The following SCUBE2 variants were observed in gnomAD, a reference collection of about 807,000 sequenced individuals.
The protein encoded by SCUBE2 is signal peptide, CUB and EGF-like domain-containing protein 2.
Under a neutral mutation model 125.9 loss-of-function variants are expected in SCUBE2, and 114 were observed. The ratio of observed to expected loss-of-function variants is 0.91; its 90% CI spans 0.78 to 1.06. The LOEUF (loss-of-function observed/expected upper bound fraction) is 1.06, where lower values mean the gene tolerates loss of function less well. Ranked by LOEUF, SCUBE2 falls within the 50% of genes least tolerant of loss-of-function variation. The probability of loss-of-function intolerance (pLI) is 0.00; values close to 1 mark genes in which losing one functional copy is unlikely to be tolerated. For missense variants in SCUBE2, 1,255 were observed against 1,301.8 expected, an observed-to-expected ratio of 0.96 and a Z score of 0.55; for synonymous variants, 459 against 492.9, an observed-to-expected ratio of 0.93 and a Z score of 0.91.
At chr11:9,068,629 G>A (rs1465827395) in intron 5 of SCUBE2, among the ~76,000 whole-genome samples, 3 of 152,202 alleles carry the variant, frequency 2.0e-5, no homozygotes, top group East Asian at 1.9e-4. Context: ...GAGGATGGTA[G>A]CATGGGATTA....
intron 1 of SCUBE2, among the ~76,000 whole-genome samples, chr11:9,090,076 C>G (rs1272035567): frequency 2.0e-5 from 3 of 152,198 alleles, no homozygotes; most frequent in Non-Finnish European, 4.4e-5. Flanking sequence ...AAATCCACCT[C>G]CTCCAGGAAG....
In SCUBE2 at chr11:9,053,699, C is replaced by T; in HGVS notation, c.1268G>A (p.Gly423Asp). ...AGGGTGGCACTGGCATTCATAGCTG[C>T]CCACTGTGTTCACACAGACCTGCTG... ...GCQQVCVNTV[G>D]SYECQCHPGY... The change falls in exon 11 of 23, where the codon GGC (glycine) becomes GAC (aspartate). Residue 423 changes from glycine to aspartate, a missense_variant. Gly to Asp is a moderately conservative substitution (Grantham distance 94). Transcript: ENST00000649792. 6.2e-7 allele frequency: 1 copy of T among 1,614,168 alleles called. No individual in the cohort carries two copies. Among genetic ancestry groups the T allele is most frequent in the South Asian group, 1.1e-5 (1 of 91,082 alleles).
Position 9,046,251 on chromosome 11 carries a change from G to A in SCUBE2, c.2002+1105C>T, listed in dbSNP as rs1857753854. On this transcript the variant is annotated intron_variant, in intron 16 of 22. Transcript: ENST00000649792. Reference sequence around the variant, plus strand: ...TCTCGATCTCCTGACCTCGTGATCTGCCCGCCTTGGCCTCCCAAAGTGCTG... The same window carrying A: ...TCTCGATCTCCTGACCTCGTGATCTACCCGCCTTGGCCTCCCAAAGTGCTG... 2.6e-5 allele frequency among the ~76,000 whole-genome samples: 4 copies of A among 152,030 alleles called. No homozygotes were observed. In the South Asian group the frequency reaches 6.2e-4, roughly 24 times the overall value.
chr11:9,060,888 C>G (rs1859613850), intron 7 of SCUBE2, among the ~76,000 whole-genome samples: 3 of 152,180 alleles, frequency 2.0e-5, no homozygotes. Context: ...AGGGGATGGT[C>G]CTTTCTTAAT....
chr11:9,051,529 T>C (rs1226730809), intron 13 of SCUBE2, among the ~76,000 whole-genome samples: 1 of 152,182 alleles, frequency 6.6e-6, no homozygotes, highest in East Asian at 1.9e-4. Context: ...AGGGTCCCAC[T>C]GTGAGAGCCT....
chr11:9,078,152 C>T (rs1300494226), intron 3 of SCUBE2, among the ~76,000 whole-genome samples: 1 of 152,174 alleles, frequency 6.6e-6, no homozygotes, highest in Non-Finnish European at 1.5e-5. Context: ...AAAGTGATTC[C>T]ATTTGTCTGA....
Position 9,030,769 on chromosome 11 carries a change from C to T in SCUBE2, c.2330G>A (p.Cys777Tyr), listed in dbSNP as rs770728563. 8.1e-6 allele frequency: 13 copies of T among 1,613,258 alleles called. No homozygotes were observed. In the East Asian group the frequency reaches 1.1e-4, roughly 14 times the overall value. Residue 777 changes from cysteine to tyrosine, a missense_variant, in exon 18 of 23, where the codon TGT becomes TAT. Physicochemically the swap from Cys to Tyr is radical, Grantham distance 194 (BLOSUM62 -2). Coordinates refer to ENST00000649792, the MANE Select transcript of SCUBE2 (RefSeq NM_001367977.2). Reference sequence around the variant, plus strand: ...TGCCAAGTACTCACCTCTGGTTTCACAGTCCTGAAAGGAAGTAGCTCCCTG... The same window carrying T: ...TGCCAAGTACTCACCTCTGGTTTCATAGTCCTGAAAGGAAGTAGCTCCCTG... ...KHQGATSFQD[C>Y]ETRVQCSPGH...
intron 16 of SCUBE2, among the ~76,000 whole-genome samples, chr11:9,045,602 GACAGACAGACACACACACACACACAC>G: frequency 1.3e-5 from 1 of 75,466 alleles, no homozygotes; most frequent in African/African-American, 3.9e-5. Flanking sequence ...CTAGAAGACA[GACAGACAGACACACACACACACACAC>G]ACACACACAC....
Position 9,054,737 on chromosome 11 carries a change from T to A in SCUBE2, c.1208-978A>T, listed in dbSNP as rs1351024878. ...TATATATATATATATTTTTTTTTTT[T>A]TTTTTTTTTTTTTTTCAGGTGGAGT... On this transcript the variant is annotated intron_variant, in intron 10 of 22. Coordinates refer to ENST00000649792, the MANE Select transcript of SCUBE2 (RefSeq NM_001367977.2). 1.7e-3 allele frequency among the ~76,000 whole-genome samples: 159 copies of A among 90,950 alleles called. 1 individual carries two copies. The Middle Eastern group carries it at 0.029, about 17-fold the overall frequency. The allele number at this position is 90,950 out of a possible 152,430, so 59.7% of individuals were successfully genotyped here. A position where few individuals can be genotyped will look rare whatever the true frequency, so the allele number is the denominator to read the frequency against.
chr11:9,083,557 T>C (rs541124445), intron 2 of SCUBE2, among the ~76,000 whole-genome samples: 2,605 of 134,000 alleles, frequency 0.019, 81 homozygotes, highest in African/African-American at 0.083. Context: ...TAGAATGAAT[T>C]TTTTTTTTTT....
At chr11:9,032,682 G>A (rs895640617) in intron 17 of SCUBE2, among the ~76,000 whole-genome samples, 11 of 152,114 alleles carry the variant, frequency 7.2e-5, no homozygotes, top group South Asian at 2.1e-4. Context: ...GCAGTGAGCC[G>A]AGATTGCACC....
At chr11:9,080,220 C>T (rs370599698) in intron 2 of SCUBE2, among the ~76,000 whole-genome samples, 2 of 152,284 alleles carry the variant, frequency 1.3e-5, no homozygotes, top group East Asian at 1.9e-4. Context: ...ACAAATGGCA[C>T]TGGTTTAATT....
intron 16 of SCUBE2, among the ~76,000 whole-genome samples, chr11:9,042,031 A>C (rs1857302447): frequency 6.6e-6 from 1 of 152,146 alleles, no homozygotes; most frequent in Non-Finnish European, 1.5e-5. Context: ...CTGTGTGGAC[A>C]GACTCGGGAT....
chr11:9,088,159 C>T (rs1862278064), intron 2 of SCUBE2, among the ~76,000 whole-genome samples: 1 of 152,218 alleles, frequency 6.6e-6, no homozygotes, highest in African/African-American at 2.4e-5. Context: ...GACACTAGGC[C>T]ATTAAATGGC....
chr11:9,062,936 G>T (rs560863330), intron 7 of SCUBE2, among the ~76,000 whole-genome samples: 57 of 152,198 alleles, frequency 3.7e-4, no homozygotes, highest in Middle Eastern at 6.8e-3. Context: ...CAGAGAAAAT[G>T]GAGTGAAGAA....
At position 9,050,759 on chromosome 11, in the gene SCUBE2, G is replaced by A. The variant is rs764130094; in HGVS notation, c.1535-49C>T. ...ATGTTACCTTCAGAGGCAAAGGAAT[G>A]GAGACACCAGATGGGAAGCAGCAAG... On this transcript the variant is annotated intron_variant, in intron 13 of 22. Coordinates refer to ENST00000649792, the MANE Select transcript of SCUBE2 (RefSeq NM_001367977.2). 2.7e-5 allele frequency: 38 copies of A among 1,420,832 alleles called. 1 individual carries two copies. The South Asian group carries it at 3.7e-4, about 14-fold the overall frequency. 88.0% of individuals were successfully genotyped at this position (1,420,832 alleles called of 1,614,324 possible). A position where few individuals can be genotyped will look rare whatever the true frequency, so the allele number is the denominator to read the frequency against.
intron 8 of SCUBE2, among the ~76,000 whole-genome samples, chr11:9,059,893 C>T (rs898435543): frequency 5.3e-5 from 8 of 152,272 alleles, no homozygotes; most frequent in East Asian, 3.9e-4. Context: ...TTCCCAGTTT[C>T]GTCTGGCAAT....
chr11:9,036,294 C>T (rs1856748013), intron 16 of SCUBE2, among the ~76,000 whole-genome samples: 1 of 152,196 alleles, frequency 6.6e-6, no homozygotes, highest in African/African-American at 2.4e-5. Context: ...TTCCAGACTT[C>T]TTCTCTAAAT....
Position 9,029,214 on chromosome 11 carries a change from C to T in SCUBE2, c.2503+670G>A, listed in dbSNP as rs148358856. On this transcript the variant is annotated intron_variant, in intron 19 of 22. Coordinates refer to ENST00000649792, the MANE Select transcript of SCUBE2 (RefSeq NM_001367977.2). Reference sequence around the variant, plus strand: ...AAGTCCTTAAATGATTTGCTTCCCCCTTCCTATAAAACACAAACCGGTCTC... The same window carrying T: ...AAGTCCTTAAATGATTTGCTTCCCCTTTCCTATAAAACACAAACCGGTCTC... Among the ~76,000 whole-genome samples the T allele has an allele frequency of 6.6e-3, 1,010 of 152,342 alleles. 14 individuals are homozygous for T. The highest frequency in any genetic ancestry group is 0.023 in the African/African-American group (954 of 41,580).
Sources: gnomAD v4.1 joint callset for allele counts (sites outside exome capture counted in the v4.1 genomes callset) on GRCh38, gnomAD v4.1.1 for gene constraint, MANE v1.5 for transcripts, NCBI Gene and HGNC (gene_info 2026-07-23, HGNC 2026-07-21) for gene names.